The following ARB2A variants were observed in gnomAD, a reference collection of about 807,000 sequenced individuals.
ARB2A encodes ARB2 cotranscriptional regulator A, also known as cotranscriptional regulator ARB2A.
the ARB2A span, among the ~76,000 whole-genome samples, chr5:93,890,943 C>T: frequency 3.3e-5 from 5 of 152,114 alleles, no homozygotes; most frequent in African/African-American, 7.2e-5. Flanking sequence ...TTCTGCCTGA[C>T]AACGCTTACT....
chr5:93,914,820 C>A, the ARB2A span, among the ~76,000 whole-genome samples: 2 of 151,806 alleles, frequency 1.3e-5, no homozygotes, highest in South Asian at 4.1e-4. Context: ...GAGGGTTGTT[C>A]AGAAGAACTC....
the ARB2A span, among the ~76,000 whole-genome samples, chr5:93,798,760 C>T: frequency 6.6e-6 from 1 of 152,088 alleles, no homozygotes; most frequent in Non-Finnish European, 1.5e-5. Flanking sequence ...ACTGATAATG[C>T]CTCTCCTTCA....
the ARB2A span, among the ~76,000 whole-genome samples, chr5:94,036,650 G>A: frequency 2.0e-5 from 3 of 152,034 alleles, no homozygotes; most frequent in African/African-American, 7.3e-5. Flanking sequence ...TTGTAAGGGG[G>A]GTTTGGTTTG....
At chr5:93,904,459 T>C in the ARB2A span, among the ~76,000 whole-genome samples, 6 of 151,976 alleles carry the variant, frequency 3.9e-5, no homozygotes, top group African/African-American at 9.6e-5. Flanking sequence ...ATGGAAAACA[T>C]AGCTAGAGTT....
chr5:93,741,230 T>A, the ARB2A span: 1 of 1,613,870 alleles, frequency 6.2e-7, no homozygotes, highest in Non-Finnish European at 8.5e-7. Flanking sequence ...GGCGGCAACT[T>A]CGGAATGCTC....
chr5:94,104,934 T>C, the ARB2A span, among the ~76,000 whole-genome samples: 2 of 152,000 alleles, frequency 1.3e-5, no homozygotes, highest in Non-Finnish European at 2.9e-5. Context: ...GAAAAGGCTT[T>C]TGATAAAATT....
the ARB2A span, among the ~76,000 whole-genome samples, chr5:94,096,341 A>G: frequency 6.6e-6 from 1 of 152,230 alleles, no homozygotes; most frequent in Non-Finnish European, 1.5e-5. Flanking sequence ...TATCACTTGT[A>G]TGCCTTCATT....
At chr5:93,784,009 T>A in the ARB2A span, among the ~76,000 whole-genome samples, 1 of 152,146 alleles carries the variant, frequency 6.6e-6, no homozygotes, top group Non-Finnish European at 1.5e-5. Flanking sequence ...GGAGACTAAG[T>A]GTACCTTATG....
chr5:94,055,676 T>C, the ARB2A span: 1 of 985,302 alleles, frequency 1.0e-6, no homozygotes, highest in South Asian at 4.7e-5. Context: ...GTAAATCTTT[T>C]CAAAATAAAG....
chr5:93,770,336 C>G, the ARB2A span, among the ~76,000 whole-genome samples: 5 of 152,040 alleles, frequency 3.3e-5, no homozygotes, highest in African/African-American at 9.7e-5. Context: ...TATGACAAAC[C>G]CACAGCCAAT....
the ARB2A span, among the ~76,000 whole-genome samples, chr5:93,634,031 G>A: frequency 6.6e-6 from 1 of 152,058 alleles, no homozygotes; most frequent in Admixed American, 6.5e-5. Context: ...CCAAAGTGCT[G>A]GGATTACAGT....
chr5:94,049,712 C>T, the ARB2A span, among the ~76,000 whole-genome samples: 2 of 152,150 alleles, frequency 1.3e-5, no homozygotes, highest in Non-Finnish European at 2.9e-5. Context: ...GTCCCAGCTA[C>T]TCAGAGACTG....
the ARB2A span, among the ~76,000 whole-genome samples, chr5:93,867,569 C>T: frequency 6.6e-6 from 1 of 152,024 alleles, no homozygotes; most frequent in African/African-American, 2.4e-5. Flanking sequence ...AGGCGTGTGC[C>T]ACCATGCCGA....
the ARB2A span, among the ~76,000 whole-genome samples, chr5:93,865,097 T>A: frequency 5.4e-4 from 82 of 152,312 alleles, no homozygotes; most frequent in African/African-American, 1.9e-3. Context: ...AATTTCTTTT[T>A]TTTTGAGACG....
chr5:93,852,181 G>C, the ARB2A span, among the ~76,000 whole-genome samples: 6 of 152,224 alleles, frequency 3.9e-5, no homozygotes, highest in Admixed American at 1.3e-4. Flanking sequence ...CTGTGGTTTT[G>C]ATTTGCATTT....
At chr5:93,926,384 C>T in the ARB2A span, among the ~76,000 whole-genome samples, 5 of 152,154 alleles carry the variant, frequency 3.3e-5, no homozygotes, top group Non-Finnish European at 2.9e-5. Flanking sequence ...CTGCCCGCCT[C>T]GGCCTCCCAA....
chr5:93,711,798 T>G, the ARB2A span, among the ~76,000 whole-genome samples: 1 of 152,264 alleles, frequency 6.6e-6, no homozygotes, highest in Non-Finnish European at 1.5e-5. Context: ...AGGGGCTGAC[T>G]TGATTTACAG....
the ARB2A span, among the ~76,000 whole-genome samples, chr5:93,691,259 C>T: frequency 0.18 from 27,096 of 151,690 alleles, 2,736 homozygotes; most frequent in Middle Eastern, 0.28. Context: ...TAGCTCAATG[C>T]AAGGAAGCTA....
the ARB2A span, among the ~76,000 whole-genome samples, chr5:93,971,091 T>C: frequency 2.0e-5 from 3 of 151,730 alleles, no homozygotes; most frequent in South Asian, 6.3e-4. Context: ...CTCTGTCTCC[T>C]GGGTTCACGC....
Sources: gnomAD v4.1 joint callset for allele counts (sites outside exome capture counted in the v4.1 genomes callset) on GRCh38, gnomAD v4.1.1 for gene constraint, MANE v1.5 for transcripts, NCBI Gene and HGNC (gene_info 2026-07-23, HGNC 2026-07-21) for gene names.